IGSF9B: variants seen among roughly 807,000 people sequenced by gnomAD.
IGSF9B encodes protein turtle homolog B.
IGSF9B carries 48 observed loss-of-function variants against 143.7 expected under a neutral mutation model. The observed-to-expected ratio is 0.33, with a 90% CI of 0.26 to 0.42. IGSF9B has a LOEUF of 0.42. IGSF9B is among the 20% of genes least tolerant of loss of function. IGSF9B has a pLI of 1.00. For missense variants in IGSF9B, 1,706 were observed against 1,980.0 expected, an observed-to-expected ratio of 0.86 and a Z score of 2.63; for synonymous variants, 903 against 833.1, an observed-to-expected ratio of 1.08 and a Z score of -1.44.
At chr11:133,922,847 C>T (rs767811817) in intron 15 of IGSF9B, 117 bp from the exon 16 acceptor site, 36 of 954,516 alleles carry the variant, frequency 3.8e-5, no homozygotes, top group Admixed American at 3.4e-4. Flanking sequence ...TGTCAAGGCT[C>T]GGGCTCCAAG....
intron 18 of IGSF9B, among the ~76,000 whole-genome samples, chr11:133,917,127 T>TGGA (rs1315145836): frequency 6.6e-6 from 1 of 152,274 alleles, no homozygotes; most frequent in Admixed American, 6.5e-5. Context: ...CCTGTCTCCT[T>TGGA]CTCGCCTGGA....
In IGSF9B at chr11:133,931,977, C is replaced by T; in HGVS notation, c.1110+94G>A. Reference sequence around the variant, plus strand: ...GTTTGCCCAGGGCTTTTGGAAGGGGCCAGGAGTCCTGGCAGAAATCCAGAG... The same window carrying T: ...GTTTGCCCAGGGCTTTTGGAAGGGGTCAGGAGTCCTGGCAGAAATCCAGAG... On this transcript the variant is annotated intron_variant, in intron 8 of 19. Transcript: ENST00000533871. The surrounding 1 kb of genome is among the most constrained non-coding windows in gnomAD (Gnocchi z 7.7). 1 of 1,524,816 alleles carries T rather than the reference C, an allele frequency of 6.6e-7. No individual in the cohort carries two copies. The highest frequency in any genetic ancestry group is 8.8e-7 in the Non-Finnish European group (1 of 1,131,102). 94.5% of individuals were successfully genotyped at this position (1,524,816 alleles called of 1,614,324 possible).
intron 3 of IGSF9B, among the ~76,000 whole-genome samples, chr11:133,940,184 C>T (rs1472007345): frequency 1.5e-5 from 2 of 137,644 alleles, no homozygotes; most frequent in Non-Finnish European, 3.1e-5. Flanking sequence ...CACGCGTCAT[C>T]GCACGCAAAA....
In IGSF9B at chr11:133,898,984, T is replaced by G. The variant is rs1481524010; in HGVS notation, c.*10085A>C. On this transcript the variant is annotated 3_prime_UTR_variant, in exon 20 of 20. Transcript: ENST00000533871. ...GCCTTTTCCCCAAGCTGCTGGTTGGTGACAGTGGGGAAGAGGGACAGGGCC... is the reference window on the plus strand; with the variant it reads ...GCCTTTTCCCCAAGCTGCTGGTTGGGGACAGTGGGGAAGAGGGACAGGGCC... 1.3e-5 allele frequency: 2 copies of G among 152,262 alleles called. No individual in the cohort carries two copies. The highest frequency in any genetic ancestry group is 2.9e-5 in the Non-Finnish European group (2 of 68,128). The allele number at this position is 152,262 out of a possible 1,614,324, so 9.4% of individuals were successfully genotyped here.
At chr11:133,912,439 T>G in intron 18 of IGSF9B, 1 of 446,682 alleles carries the variant, frequency 2.2e-6, no homozygotes, top group Non-Finnish European at 4.5e-6. Context: ...GCAGCTCCCA[T>G]CCCAGTGAAT....
chr11:133,936,275 C>G (rs1406243332), intron 5 of IGSF9B, 81 bp from the exon 6 acceptor site: 2 of 1,337,140 alleles, frequency 1.5e-6, no homozygotes, highest in Non-Finnish European at 2.1e-6. Context: ...GCCCTCAGTG[C>G]CTCAGGAAGC....
intron 18 of IGSF9B, among the ~76,000 whole-genome samples, chr11:133,915,264 CTCTCTTT>C (rs1384916464): frequency 1.2e-5 from 1 of 81,764 alleles, no homozygotes; most frequent in Non-Finnish European, 2.6e-5. Flanking sequence ...ACTTCTCTCT[CTCTCTTT>C]TTTTTTTTTT....
intron 18 of IGSF9B, chr11:133,918,972 G>A (rs1167390275): frequency 4.2e-6 from 2 of 471,806 alleles, no homozygotes; most frequent in Non-Finnish European, 8.7e-6. Flanking sequence ...GGGACGGCAG[G>A]GAAGAAGGAT....
At chr11:133,934,619 G>C (rs1234258272) in intron 7 of IGSF9B, among the ~76,000 whole-genome samples, 2 of 152,330 alleles carry the variant, frequency 1.3e-5, no homozygotes, top group African/African-American at 2.4e-5. Context: ...TGCGAGGTTA[G>C]GGGTCCGATG....
chr11:133,955,196 C>T (rs1318190890), intron 1 of IGSF9B, among the ~76,000 whole-genome samples: 1 of 152,158 alleles, frequency 6.6e-6, no homozygotes, highest in African/African-American at 2.4e-5. Context: ...GATGAGGCTA[C>T]AGGCAGACTG....
intron 1 of IGSF9B, among the ~76,000 whole-genome samples, chr11:133,950,431 T>C (rs1940136488): frequency 6.6e-6 from 1 of 152,162 alleles, no homozygotes; most frequent in Admixed American, 6.5e-5. Flanking sequence ...CTGTCTCCCA[T>C]TGAAAAATGA....
rs778752736 is a variant in IGSF9B, at chr11:133,920,428, T to A, written c.3297A>T (p.Ala1099=). 3.2e-6 allele frequency: 5 copies of A among 1,581,786 alleles called. No individual in the cohort carries two copies. Among genetic ancestry groups the A allele is most frequent in the Non-Finnish European group, 8.6e-7 (1 of 1,166,048 alleles). ...AAYPGILSLE[A]PKGWAGKSPG... ...GCGACTTGCCTGCCCAACCCTTCGG[T>A]GCCTCCAGAGACAGGATGCCCGGGT... The change falls in exon 18 of 20, where the codon GCA becomes GCT. Residue 1099 remains alanine (A), a synonymous_variant. Transcript: ENST00000533871.
Position 133,897,192 on chromosome 11 carries a change from G to A in IGSF9B, c.*11877C>T, listed in dbSNP as rs528931266. On this transcript the variant is annotated 3_prime_UTR_variant, in exon 20 of 20. Coordinates refer to ENST00000533871, the MANE Select transcript of IGSF9B (RefSeq NM_001277285.4). The stretch of plus-strand genomic sequence containing the variant: ...TTCCAATACACCTCCCTTCCCTGAC[G>A]GAGAAGGGAAGGAGGCAGAAAACAG... The A allele has an allele frequency of 5.3e-5, 8 of 152,196 alleles. No individual in the cohort carries two copies. Among genetic ancestry groups the A allele is most frequent in the East Asian group, 3.9e-4 (2 of 5,172 alleles). The allele number at this position is 152,196 out of a possible 1,614,324, so 9.4% of individuals were successfully genotyped here. A position where few individuals can be genotyped will look rare whatever the true frequency, so the allele number is the denominator to read the frequency against.
In IGSF9B at chr11:133,913,176, C is replaced by T. The variant is rs866463890; in HGVS notation, c.3984-1169G>A. 5.3e-5 allele frequency among the ~76,000 whole-genome samples: 8 copies of T among 152,144 alleles called. No homozygotes were observed. Among genetic ancestry groups the T allele is most frequent in the East Asian group, 1.9e-4 (1 of 5,194 alleles). On this transcript the variant is annotated intron_variant, in intron 18 of 19. Coordinates refer to ENST00000533871, the MANE Select transcript of IGSF9B (RefSeq NM_001277285.4). This position sits in a 1 kb window ranked among gnomAD's most constrained non-coding sequence, Gnocchi z 4.6. Reference sequence around the variant, plus strand: ...ACGCTCTGGGGCCACGGCGGACAGGCGTGCCTCGCTCTTCTTCTCCTGGAC... The same window carrying T: ...ACGCTCTGGGGCCACGGCGGACAGGTGTGCCTCGCTCTTCTTCTCCTGGAC...
At chr11:133,926,892 C>T (rs1189686710) in intron 13 of IGSF9B, 24 bp downstream of exon 13, 2 of 1,554,694 alleles carry the variant, frequency 1.3e-6, no homozygotes, top group Non-Finnish European at 1.7e-6. Context: ...CCCCCGCTCC[C>T]AACATCCCAC....
rs1939731450 is a variant in IGSF9B at position 133,931,588 on chromosome 11, G to GCACCCT, written c.1252-25_1252-20dup. ...GGGGGTCCTGGGGAGGAAAGCACAG[G>GCACCCT]CACCCTCGTGAGGCCGGGGATCCAG... On this transcript the variant is annotated intron_variant, in intron 9 of 19. Transcript: ENST00000533871. This position sits in a 1 kb window ranked among gnomAD's most constrained non-coding sequence, Gnocchi z 7.7. 6.2e-7 allele frequency: 1 copy of GCACCCT among 1,611,652 alleles called. No homozygotes were observed.
At chr11:133,924,937 A>C in intron 14 of IGSF9B, 33 bp from the exon 15 acceptor site, 1 of 1,588,270 alleles carries the variant, frequency 6.3e-7, no homozygotes, top group Non-Finnish European at 8.6e-7. Context: ...CAGTCAGCCG[A>C]GGGACCTGAG....
chr11:133,929,161 T>C (rs151001856), intron 12 of IGSF9B, among the ~76,000 whole-genome samples: 6 of 152,356 alleles, frequency 3.9e-5, no homozygotes, highest in Non-Finnish European at 7.3e-5. Flanking sequence ...GAGGGGTGGA[T>C]ACCCCTTTAC....
In IGSF9B at chr11:133,932,279, GGACA is replaced by G. The variant is rs564700559; in HGVS notation, c.968-70_968-67del. 445 of 1,481,806 alleles carry G rather than the reference GGACA, an allele frequency of 3.0e-4. 3 individuals carry two copies. The South Asian group carries it at 3.8e-3, about 13-fold the overall frequency. 91.8% of individuals were successfully genotyped at this position (1,481,806 alleles called of 1,614,324 possible). ...CACAGGGACAGACAGACAGACACAGGGACAGACAGACAGACACAGGGACAGACAG... is the reference window on the plus strand; with the variant it reads ...CACAGGGACAGACAGACAGACACAGGGACAGACAGACACAGGGACAGACAG... On this transcript the variant is annotated intron_variant, in intron 7 of 19. Transcript: ENST00000533871.
Sources: gnomAD v4.1 joint callset for allele counts (sites outside exome capture counted in the v4.1 genomes callset) on GRCh38, gnomAD v4.1.1 for gene constraint, Gnocchi (gnomAD v3.1) non-coding constraint, MANE v1.5 for transcripts, NCBI Gene and HGNC (gene_info 2026-07-23, HGNC 2026-07-21) for gene names.